KIAA0232: variants seen among roughly 807,000 people sequenced by gnomAD.
KIAA0232 encodes KIAA0232.
KIAA0232 carries 27 observed loss-of-function variants against 122.0 expected under a neutral mutation model. The observed-to-expected ratio is 0.22, with a 90% CI of 0.16 to 0.31. The LOEUF is 0.31. KIAA0232 is among the 10% of genes least tolerant of loss of function. KIAA0232 has a pLI of 1.00. For synonymous variants in KIAA0232, 613 were observed against 587.6 expected, an observed-to-expected ratio of 1.04 and a Z score of -0.63; for missense variants, 1,551 against 1,634.2, an observed-to-expected ratio of 0.95 and a Z score of 0.88.
chr4:6,863,383 C>A lies in KIAA0232; in HGVS notation c.3001C>A (p.Gln1001Lys). ...CTTCGTGTCATTTGAACAGAATGAT[C>A]AGCCGAAGAGTGGGGAAAATGGGTT... ...KPFVSFEQND[Q>K]PKSGENGLNK... is the part of the protein sequence containing the mutation. Residue 1001 changes from glutamine to lysine, a missense_variant, in exon 7 of 10, where the codon CAG (glutamine) becomes AAG (lysine). Around this residue, in one of 5 missense-constraint regions of KIAA0232, gnomAD observed 1,108 missense variants for 1,154.8 expected, o/e 0.96. Coordinates refer to ENST00000307659, the MANE Select transcript of KIAA0232 (RefSeq NM_014743.3). 6.2e-7 allele frequency: 1 copy of A among 1,614,110 alleles called. No homozygotes were observed. Among genetic ancestry groups the A allele is most frequent in the South Asian group, 1.1e-5 (1 of 91,076 alleles).
chr4:6,784,498 G>C (rs1399051777), intron 1 of KIAA0232, among the ~76,000 whole-genome samples: 2 of 152,138 alleles, frequency 1.3e-5, no homozygotes, highest in African/African-American at 4.8e-5. Context: ...TCTTCCATCA[G>C]TTATTTTGGA....
rs1720822585 is a variant in KIAA0232, at chr4:6,861,030, C to T, written c.648C>T (p.Ser216=). The change falls in exon 7 of 10, where the codon AGC becomes AGT. Residue 216 remains serine (S), a synonymous_variant. Coordinates refer to ENST00000307659, the MANE Select transcript of KIAA0232 (RefSeq NM_014743.3). The part of the protein sequence containing the change: ...SSSSSTAPPA[S]TDTSSPKDCN... ...CATCATCCACAGCCCCACCAGCTAG[C>T]ACAGATACTTCCTCTCCTAAGGACT... 2 of 1,614,056 alleles carry T rather than the reference C, an allele frequency of 1.2e-6. No homozygotes were observed. Among genetic ancestry groups the T allele is most frequent in the Non-Finnish European group, 8.5e-7 (1 of 1,180,040 alleles).
At chr4:6,819,371 C>T (rs1275957252) in intron 2 of KIAA0232, among the ~76,000 whole-genome samples, 2 of 151,992 alleles carry the variant, frequency 1.3e-5, no homozygotes, top group African/African-American at 2.4e-5. Flanking sequence ...TGACACAGGT[C>T]CAATATCCAG....
intron 1 of KIAA0232, among the ~76,000 whole-genome samples, chr4:6,788,601 G>A (rs963095072): frequency 6.6e-6 from 1 of 152,178 alleles, no homozygotes. Flanking sequence ...CTCCTTGAGA[G>A]ATGTAGAGGA....
At position 6,866,106 on chromosome 4, in the gene KIAA0232, AT is replaced by A. The variant is rs1414509337; in HGVS notation, c.3801+1925del. On this transcript the variant is annotated intron_variant, in intron 7 of 9. Coordinates refer to ENST00000307659, the MANE Select transcript of KIAA0232 (RefSeq NM_014743.3). ...CACTGCTAAGAAAAAACCCAATAAT[AT>A]TGTTAGCCTTTATCTGTTTGTTTAT... 7.8e-6 allele frequency: 3 copies of A among 383,700 alleles called. No individual in the cohort carries two copies. In the East Asian group the frequency reaches 4.9e-4, roughly 62 times the overall value. The allele number at this position is 383,700 out of a possible 1,614,324, so 23.8% of individuals were successfully genotyped here. A position where few individuals can be genotyped will look rare whatever the true frequency, so the allele number is the denominator to read the frequency against.
At chr4:6,832,146 T>C (rs1719019128) in intron 3 of KIAA0232, among the ~76,000 whole-genome samples, 1 of 152,236 alleles carries the variant, frequency 6.6e-6, no homozygotes, top group Admixed American at 6.5e-5. Context: ...ATTTGTTTAA[T>C]GGCATAGTTT....
intron 4 of KIAA0232, among the ~76,000 whole-genome samples, chr4:6,856,359 T>C (rs998652912): frequency 6.6e-6 from 1 of 152,188 alleles, no homozygotes; most frequent in Non-Finnish European, 1.5e-5. Flanking sequence ...ATACATTGAC[T>C]TTTTTTGTCC....
At position 6,782,811 on chromosome 4, in the gene KIAA0232, C is replaced by G. The variant is rs879598965; in HGVS notation, c.-384C>G. On this transcript the variant is annotated 5_prime_UTR_variant, in exon 1 of 10. Coordinates refer to ENST00000307659, the MANE Select transcript of KIAA0232 (RefSeq NM_014743.3). ...GGAGCCAGAGGAGAGGCGCCCCCGCCGGCCGCCGCGCCGCCCGGCAGCCTC... is the reference window on the plus strand; with the variant it reads ...GGAGCCAGAGGAGAGGCGCCCCCGCGGGCCGCCGCGCCGCCCGGCAGCCTC... The G allele has an allele frequency of 1.3e-5, 2 of 148,364 alleles. No homozygotes were observed. The highest frequency in any genetic ancestry group is 6.7e-5 in the Admixed American group (1 of 14,934). 9.2% of individuals were successfully genotyped at this position (148,364 alleles called of 1,614,324 possible).
At chr4:6,870,669 G>T (rs1426838135) in intron 7 of KIAA0232, among the ~76,000 whole-genome samples, 1 of 152,114 alleles carries the variant, frequency 6.6e-6, no homozygotes, top group African/African-American at 2.4e-5. Flanking sequence ...CGGGGTGGTG[G>T]TACATGCCTG....
At chr4:6,835,610 C>T (rs1719222995) in intron 3 of KIAA0232, among the ~76,000 whole-genome samples, 1 of 152,156 alleles carries the variant, frequency 6.6e-6, no homozygotes, top group African/African-American at 2.4e-5. Flanking sequence ...AACGCTATCC[C>T]TCCCCCAGCT....
In KIAA0232 at chr4:6,791,688, T is replaced by C. The variant is rs1027916945; in HGVS notation, c.-354+8847T>C. 6.6e-5 allele frequency among the ~76,000 whole-genome samples: 10 copies of C among 152,316 alleles called. No homozygotes were observed. The South Asian group carries it at 2.1e-3, about 32-fold the overall frequency. ...TTTCTTCATCTCCCTTCCTATCCTG[T>C]ATTCATCTTGCCTTGAAGACCACAG... On this transcript the variant is annotated intron_variant, in intron 1 of 9. Transcript: ENST00000307659.
intron 4 of KIAA0232, among the ~76,000 whole-genome samples, chr4:6,844,503 G>A (rs970893553): frequency 1.7e-4 from 26 of 151,436 alleles, no homozygotes; most frequent in African/African-American, 6.1e-4. Context: ...ATGCAGTGAC[G>A]CAAACCTGGC....
intron 2 of KIAA0232, among the ~76,000 whole-genome samples, chr4:6,823,026 G>C (rs567045867): frequency 6.6e-6 from 1 of 150,590 alleles, no homozygotes; most frequent in East Asian, 2.0e-4. Context: ...AGAATATGTG[G>C]TGTTTGGTTT....
At chr4:6,847,878 T>A (rs775047090) in intron 4 of KIAA0232, among the ~76,000 whole-genome samples, 1 of 151,808 alleles carries the variant, frequency 6.6e-6, no homozygotes, top group Non-Finnish European at 1.5e-5. Flanking sequence ...AAAAAACTAC[T>A]TATATTTGTT....
At chr4:6,878,949 C>G (rs774655499) in intron 9 of KIAA0232, among the ~76,000 whole-genome samples, 12 of 152,274 alleles carry the variant, frequency 7.9e-5, no homozygotes, top group Non-Finnish European at 1.6e-4. Flanking sequence ...GTGACTAGTT[C>G]ACATCATCCC....
intron 4 of KIAA0232, among the ~76,000 whole-genome samples, chr4:6,847,268 G>A (rs1279441015): frequency 6.6e-6 from 1 of 152,158 alleles, no homozygotes; most frequent in Non-Finnish European, 1.5e-5. Context: ...TTACCAGACT[G>A]TTCACTGGTG....
At chr4:6,836,216 C>T in intron 3 of KIAA0232, among the ~76,000 whole-genome samples, 1 of 152,140 alleles carries the variant, frequency 6.6e-6, no homozygotes. Context: ...TCTCTGATGA[C>T]CAGTGATGAT....
rs991969019 is a variant in KIAA0232 at position 6,795,345 on chromosome 4, C to T, written c.-353-9178C>T. Reference sequence around the variant, plus strand: ...CTTCAGCCTCCCAAAGTACTGGGATCACAGGCGTGAGCCACCGCGCCCGGC... The same window carrying T: ...CTTCAGCCTCCCAAAGTACTGGGATTACAGGCGTGAGCCACCGCGCCCGGC... On this transcript the variant is annotated intron_variant, in intron 1 of 9. Transcript: ENST00000307659. 3.3e-5 allele frequency among the ~76,000 whole-genome samples: 5 copies of T among 152,092 alleles called. No individual in the cohort carries two copies. The East Asian group carries it at 9.6e-4, about 29-fold the overall frequency.
chr4:6,836,390 C>G (rs1384686255), intron 3 of KIAA0232, among the ~76,000 whole-genome samples: 4 of 149,864 alleles, frequency 2.7e-5, no homozygotes, highest in African/African-American at 4.9e-5. Flanking sequence ...TTAGAATACA[C>G]AGTTTGGTGG....
Sources: gnomAD v4.1 joint callset for allele counts (sites outside exome capture counted in the v4.1 genomes callset) on GRCh38, gnomAD v4.1.1 for gene constraint, gnomAD v4.1.1 regional missense constraint, MANE v1.5 for transcripts, NCBI Gene and HGNC (gene_info 2026-07-23, HGNC 2026-07-21) for gene names.